The following RUNX2 variants were observed in gnomAD, a reference collection of about 807,000 sequenced individuals.
The protein encoded by RUNX2 is runt-related transcription factor 2.
RUNX2 carries 10 observed loss-of-function variants against 51.7 expected under a neutral mutation model. The ratio of observed to expected loss-of-function variants is 0.19; its 90% CI spans 0.12 to 0.33. The LOEUF (loss-of-function observed/expected upper bound fraction) is 0.33, where lower values mean the gene tolerates loss of function less well. Ranked by LOEUF, RUNX2 falls within the 10% of genes least tolerant of loss-of-function variation. The pLI is 1.00. For synonymous variants in RUNX2, 276 were observed against 273.6 expected, an observed-to-expected ratio of 1.01 and a Z score of -0.09; for missense variants, 562 against 691.3, an observed-to-expected ratio of 0.81 and a Z score of 2.10.
intron 6 of RUNX2, among the ~76,000 whole-genome samples, chr6:45,496,002 C>T (rs901866683): frequency 6.6e-6 from 1 of 152,114 alleles, no homozygotes; most frequent in African/African-American, 2.4e-5. Flanking sequence ...CCAGGGCCTC[C>T]CCACAGCTTC....
intron 2 of RUNX2, among the ~76,000 whole-genome samples, chr6:45,338,206 C>T (rs960816047): frequency 2.0e-5 from 3 of 151,940 alleles, no homozygotes; most frequent in Admixed American, 6.6e-5. Flanking sequence ...CCAAATAATT[C>T]ACAATATTAT....
At chr6:45,528,107 T>G (rs1396361361) in intron 7 of RUNX2, among the ~76,000 whole-genome samples, 1 of 152,094 alleles carries the variant, frequency 6.6e-6, no homozygotes, top group Non-Finnish European at 1.5e-5. Flanking sequence ...TCAGATCTCA[T>G]GAGACTTATT....
intron 2 of RUNX2, among the ~76,000 whole-genome samples, chr6:45,345,910 C>G (rs541208731): frequency 2.3e-4 from 35 of 152,248 alleles, no homozygotes; most frequent in African/African-American, 7.2e-4. Context: ...AAGCTATTTG[C>G]TCCAAATGCC....
intron 2 of RUNX2, among the ~76,000 whole-genome samples, chr6:45,385,523 A>G (rs1434945764): frequency 1.3e-5 from 2 of 152,218 alleles, no homozygotes; most frequent in Non-Finnish European, 2.9e-5. Flanking sequence ...GGCACAGCAG[A>G]TTTACTAAGG....
chr6:45,495,100 T>G (rs1042654421), intron 6 of RUNX2, among the ~76,000 whole-genome samples: 3 of 152,240 alleles, frequency 2.0e-5, no homozygotes, highest in African/African-American at 7.2e-5. Flanking sequence ...GGAACCTTCA[T>G]CCAAAGGCAG....
At chr6:45,491,831 T>C in intron 5 of RUNX2, 110 bp from the exon 6 acceptor site, 1 of 1,089,106 alleles carries the variant, frequency 9.2e-7, no homozygotes, top group Non-Finnish European at 1.4e-6. Flanking sequence ...AATATTAATA[T>C]TGATAATTCC....
intron 5 of RUNX2, among the ~76,000 whole-genome samples, chr6:45,465,096 T>A (rs1313803459): frequency 6.6e-6 from 1 of 152,248 alleles, no homozygotes; most frequent in Non-Finnish European, 1.5e-5. Context: ...CTGCCATGGT[T>A]CCTTATAAAT....
intron 7 of RUNX2, among the ~76,000 whole-genome samples, chr6:45,524,283 A>C (rs1801600680): frequency 1.3e-5 from 2 of 152,262 alleles, no homozygotes; most frequent in Admixed American, 1.3e-4. Flanking sequence ...AAATAAAAAT[A>C]AAATGCTGCA....
At chr6:45,415,471 G>C (rs1262806465) in intron 2 of RUNX2, among the ~76,000 whole-genome samples, 1 of 152,066 alleles carries the variant, frequency 6.6e-6, no homozygotes. Flanking sequence ...GCTGGGGAAG[G>C]CTGTTCACAC....
At chr6:45,379,834 C>G (rs1016457878) in intron 2 of RUNX2, among the ~76,000 whole-genome samples, 2 of 152,054 alleles carry the variant, frequency 1.3e-5, no homozygotes, top group Admixed American at 6.6e-5. Context: ...CCGCTGCTCT[C>G]CAGCCTGGCA....
At chr6:45,468,708 T>C (rs1563099996) in intron 5 of RUNX2, among the ~76,000 whole-genome samples, 2 of 152,316 alleles carry the variant, frequency 1.3e-5, no homozygotes, top group East Asian at 3.9e-4. Flanking sequence ...TTTCACCTAC[T>C]TGAATGTCTG....
In RUNX2 at chr6:45,514,460, G is replaced by A. The variant is rs1220927031; in HGVS notation, c.1021+2053G>A. ...AGGAGTGAGCCTCTGGTTTAAACTG[G>A]TTTATACTGAGTTTAGTCCAGTTTT... On this transcript the variant is annotated intron_variant, in intron 7 of 8. Transcript: ENST00000647337. 2.6e-5 allele frequency among the ~76,000 whole-genome samples: 4 copies of A among 152,144 alleles called. No homozygotes were observed. In the East Asian group the frequency reaches 7.7e-4, roughly 29 times the overall value.
chr6:45,406,170 G>A lies in RUNX2; in HGVS notation c.59-16423G>A, dbSNP rs112400692. Among the ~76,000 whole-genome samples the A allele has an allele frequency of 9.0e-3, 1,364 of 152,092 alleles. 13 individuals are homozygous for A. Among genetic ancestry groups the A allele is most frequent in the South Asian group, 0.024 (116 of 4,816 alleles). Reference sequence around the variant, plus strand: ...TAATCTATGCAGCATTATTTTCCACGACTCCCCAGTAAACACCCTCTGTTG... The same window carrying A: ...TAATCTATGCAGCATTATTTTCCACAACTCCCCAGTAAACACCCTCTGTTG... On this transcript the variant is annotated intron_variant, in intron 2 of 8. Coordinates refer to ENST00000647337, the MANE Select transcript of RUNX2 (RefSeq NM_001024630.4).
chr6:45,525,408 T>C (rs944768469), intron 7 of RUNX2, among the ~76,000 whole-genome samples: 2 of 152,222 alleles, frequency 1.3e-5, no homozygotes, highest in African/African-American at 2.4e-5. Flanking sequence ...ATTTCTTCCA[T>C]GACTCAAGCA....
intron 5 of RUNX2, among the ~76,000 whole-genome samples, chr6:45,483,256 G>A (rs991923145): frequency 6.6e-6 from 1 of 152,094 alleles, no homozygotes; most frequent in Non-Finnish European, 1.5e-5. Flanking sequence ...GAATCAGACA[G>A]TGCACTCTTA....
chr6:45,381,776 A>C (rs1367655979), intron 2 of RUNX2, among the ~76,000 whole-genome samples: 1 of 152,234 alleles, frequency 6.6e-6, no homozygotes, highest in East Asian at 1.9e-4. Context: ...AGATGTATCA[A>C]ATATGCTGAT....
At chr6:45,425,287 G>A (rs917283229) in intron 3 of RUNX2, among the ~76,000 whole-genome samples, 2 of 152,200 alleles carry the variant, frequency 1.3e-5, no homozygotes, top group Admixed American at 6.5e-5. Flanking sequence ...TGGATGGAAA[G>A]GTTGTTTTTT....
chr6:45,505,231 G>A (rs1332736214), intron 6 of RUNX2, among the ~76,000 whole-genome samples: 3 of 152,134 alleles, frequency 2.0e-5, no homozygotes, highest in African/African-American at 7.2e-5. Flanking sequence ...AATAGCAGCT[G>A]CCTTGTTTCC....
At chr6:45,484,218 G>A (rs1800201571) in intron 5 of RUNX2, among the ~76,000 whole-genome samples, 1 of 152,270 alleles carries the variant, frequency 6.6e-6, no homozygotes, top group East Asian at 1.9e-4. Context: ...GCCCATTCCT[G>A]AAGAAACTGT....
Sources: allele counts gnomAD v4.1 joint callset (sites outside exome capture counted in the v4.1 genomes callset), GRCh38; gene constraint gnomAD v4.1.1; transcripts MANE v1.5; gene names NCBI Gene and HGNC (gene_info 2026-07-23, HGNC 2026-07-21).